FHIT: variants seen among roughly 807,000 people sequenced by gnomAD.
FHIT encodes the protein fragile histidine triad diadenosine triphosphatase.
A neutral mutation model predicts 17.9 loss-of-function variants in FHIT; 19 were observed. That is an observed-to-expected ratio of 1.06 (90% CI 0.74 to 1.56). The LOEUF (loss-of-function observed/expected upper bound fraction) is 1.56. FHIT is among the 40% of genes most tolerant of loss of function. The pLI, the probability that FHIT is intolerant of heterozygous loss-of-function variation, is 0.00. For synonymous variants in FHIT, 81 were observed against 69.7 expected, an observed-to-expected ratio of 1.16 and a Z score of -0.81; for missense variants, 248 against 189.2, an observed-to-expected ratio of 1.31 and a Z score of -1.82.
chr3:60,108,961 C>G (rs540105492), intron 5 of FHIT, among the ~76,000 whole-genome samples: 14 of 152,172 alleles, frequency 9.2e-5, no homozygotes, highest in Non-Finnish European at 8.8e-5. Context: ...CCATGCCCAG[C>G]CATTCCTTCT....
chr3:61,194,000 GAAC>G (rs2038786700), intron 2 of FHIT, among the ~76,000 whole-genome samples: 1 of 125,374 alleles, frequency 8.0e-6, no homozygotes, highest in Non-Finnish European at 1.6e-5. Flanking sequence ...AAATGTGGTA[GAAC>G]AAAAGGGGTG....
intron 2 of FHIT, among the ~76,000 whole-genome samples, chr3:61,143,358 A>G (rs1323980635): frequency 6.6e-6 from 1 of 152,226 alleles, no homozygotes; most frequent in East Asian, 1.9e-4. Context: ...TATAATATAC[A>G]TAGCATATAA....
chr3:60,154,796 A>G (rs1371653444), intron 5 of FHIT, among the ~76,000 whole-genome samples: 1 of 152,174 alleles, frequency 6.6e-6, no homozygotes. Flanking sequence ...GTTTCTTGCA[A>G]ACAGTCAATT....
chr3:60,578,178 C>T (rs553527322), intron 4 of FHIT, among the ~76,000 whole-genome samples: 10 of 152,092 alleles, frequency 6.6e-5, no homozygotes, highest in Non-Finnish European at 1.2e-4. Context: ...GTGGCTCACA[C>T]CTGTAATCCC....
chr3:59,897,335 C>A (rs1486914997), intron 8 of FHIT, among the ~76,000 whole-genome samples: 1 of 152,210 alleles, frequency 6.6e-6, no homozygotes. Context: ...CAAACTCCTG[C>A]TCGTCCTTCA....
At chr3:61,057,321 A>T (rs1318471519) in intron 2 of FHIT, among the ~76,000 whole-genome samples, 1 of 152,242 alleles carries the variant, frequency 6.6e-6, no homozygotes, top group Non-Finnish European at 1.5e-5. Flanking sequence ...CCAATAACAA[A>T]AACATTAAGT....
chr3:61,114,803 C>T (rs144694652), intron 2 of FHIT, among the ~76,000 whole-genome samples: 209 of 152,262 alleles, frequency 1.4e-3, no homozygotes, highest in African/African-American at 4.6e-3. Context: ...ATGCAACACA[C>T]ATTTACCTTT....
intron 5 of FHIT, among the ~76,000 whole-genome samples, chr3:60,412,691 A>G (rs1490984903): frequency 6.6e-6 from 1 of 152,164 alleles, no homozygotes; most frequent in Admixed American, 6.5e-5. Flanking sequence ...GACTGAGCAG[A>G]GTCTCAAACT....
intron 5 of FHIT, among the ~76,000 whole-genome samples, chr3:60,075,449 T>C (rs998820489): frequency 9.2e-5 from 14 of 152,126 alleles, no homozygotes; most frequent in African/African-American, 3.1e-4. Context: ...AATAATACAA[T>C]AGAACTCCAT....
At chr3:60,153,006 TA>T (rs1700531915) in intron 5 of FHIT, among the ~76,000 whole-genome samples, 1 of 152,158 alleles carries the variant, frequency 6.6e-6, no homozygotes, top group African/African-American at 2.4e-5. Context: ...GGCTGCTGCT[TA>T]ACCAAGAGTC....
At chr3:60,762,891 C>T (rs1553720388) in intron 4 of FHIT, among the ~76,000 whole-genome samples, 1 of 152,154 alleles carries the variant, frequency 6.6e-6, no homozygotes, top group Non-Finnish European at 1.5e-5. Flanking sequence ...TTGGCCTAAC[C>T]TGCAGATTTT....
intron 3 of FHIT, among the ~76,000 whole-genome samples, chr3:60,990,233 T>C (rs1403853967): frequency 1.3e-5 from 2 of 152,194 alleles, no homozygotes; most frequent in Non-Finnish European, 2.9e-5. Flanking sequence ...AAAAACTTCC[T>C]ACCAAATCCA....
chr3:60,747,589 T>C (rs2042384224), intron 4 of FHIT, among the ~76,000 whole-genome samples: 1 of 152,036 alleles, frequency 6.6e-6, no homozygotes, highest in South Asian at 2.1e-4. Context: ...CAGGGCAATA[T>C]GAAAGAAAAT....
intron 5 of FHIT, among the ~76,000 whole-genome samples, chr3:60,318,019 T>G (rs954867044): frequency 6.6e-6 from 1 of 152,052 alleles, no homozygotes; most frequent in Non-Finnish European, 1.5e-5. Context: ...CTCAAACCCC[T>G]CACCTCAAGT....
chr3:60,589,807 C>T (rs1232437830), intron 4 of FHIT, among the ~76,000 whole-genome samples: 1 of 152,108 alleles, frequency 6.6e-6, no homozygotes, highest in African/African-American at 2.4e-5. Flanking sequence ...ACTTCGACTT[C>T]TTACTGGAGA....
intron 5 of FHIT, among the ~76,000 whole-genome samples, chr3:60,488,111 G>T (rs2033916431): frequency 6.6e-6 from 1 of 152,126 alleles, no homozygotes; most frequent in African/African-American, 2.4e-5. Context: ...AAGCATAAAG[G>T]GAAGTGCAAT....
At chr3:60,752,140 A>G (rs1300830682) in intron 4 of FHIT, among the ~76,000 whole-genome samples, 1 of 152,186 alleles carries the variant, frequency 6.6e-6, no homozygotes, top group African/African-American at 2.4e-5. Flanking sequence ...TTCAAATTTC[A>G]GGTGAGTCTT....
chr3:61,167,983 C>T (rs559446554), intron 2 of FHIT, among the ~76,000 whole-genome samples: 1 of 152,254 alleles, frequency 6.6e-6, no homozygotes, highest in East Asian at 1.9e-4. Flanking sequence ...GTAACTATAT[C>T]CCATCCATTC....
At chr3:60,811,561 T>C (rs1553736036) in intron 4 of FHIT, among the ~76,000 whole-genome samples, 1 of 152,158 alleles carries the variant, frequency 6.6e-6, no homozygotes, top group East Asian at 1.9e-4. Context: ...TAACCTTACT[T>C]AAAATAGTTT....
Sources: gnomAD v4.1 joint callset for allele counts (sites outside exome capture counted in the v4.1 genomes callset) on GRCh38, gnomAD v4.1.1 for gene constraint, MANE v1.5 for transcripts, NCBI Gene and HGNC (gene_info 2026-07-23, HGNC 2026-07-21) for gene names.